The following FAT3 variants were observed in gnomAD, a reference collection of about 807,000 sequenced individuals.
FAT3 encodes protocadherin Fat 3.
A neutral mutation model predicts 310.2 loss-of-function variants in FAT3; 95 were observed. The ratio of observed to expected loss-of-function variants is 0.31; its 90% confidence interval spans 0.26 to 0.36. The LOEUF (loss-of-function observed/expected upper bound fraction) is 0.36. Among genes scored for constraint, FAT3 ranks in the 10% least tolerant of loss-of-function variants. The pLI is 1.00. For synonymous variants in FAT3, 2,314 were observed against 2,192.9 expected (o/e 1.06, Z -1.54); for missense variants, 5,408 against 5,715.6 (o/e 0.95, Z 1.74).
intron 3 of FAT3, among the ~76,000 whole-genome samples, chr11:92,580,789 G>A (rs181842763): frequency 1.1e-3 from 169 of 152,148 alleles, no homozygotes; most frequent in South Asian, 2.7e-3. Flanking sequence ...GCCTTCTCTT[G>A]GGGATATGTG....
At chr11:92,737,368 G>A (rs977925867) in intron 4 of FAT3, among the ~76,000 whole-genome samples, 1 of 152,060 alleles carries the variant, frequency 6.6e-6, no homozygotes, top group Non-Finnish European at 1.5e-5. Context: ...ATAGCAAAGA[G>A]AATTTTCTTC....
intron 6 of FAT3, among the ~76,000 whole-genome samples, chr11:92,768,248 G>A (rs1946369190): frequency 6.6e-6 from 1 of 152,150 alleles, no homozygotes. Flanking sequence ...AGATTTCACT[G>A]TAAATCAGGT....
At chr11:92,368,394 A>G (rs1430171993) in intron 2 of FAT3, among the ~76,000 whole-genome samples, 1 of 152,178 alleles carries the variant, frequency 6.6e-6, no homozygotes, top group East Asian at 1.9e-4. Flanking sequence ...TACTCTTGCT[A>G]TTAATAATAC....
intron 1 of FAT3, among the ~76,000 whole-genome samples, chr11:92,228,347 A>G (rs1383891126): frequency 1.3e-5 from 2 of 152,274 alleles, no homozygotes; most frequent in East Asian, 3.9e-4. Context: ...TCTGTCTGTT[A>G]ACTAGCAATT....
At chr11:92,655,238 A>T (rs1438330922) in intron 3 of FAT3, among the ~76,000 whole-genome samples, 2 of 151,726 alleles carry the variant, frequency 1.3e-5, no homozygotes, top group Admixed American at 1.3e-4. Flanking sequence ...AATGAATGAG[A>T]TGGGTTACTT....
intron 3 of FAT3, among the ~76,000 whole-genome samples, chr11:92,602,369 C>G (rs756275525): frequency 7.9e-5 from 12 of 152,216 alleles, no homozygotes; most frequent in Non-Finnish European, 1.3e-4. Flanking sequence ...TACCAGAGTG[C>G]TGGGATTACA....
Position 92,407,094 on chromosome 11 carries a change from T to C in FAT3, c.3292+51690T>C, listed in dbSNP as rs1307918927. ...TGTTCTAGCTGCCAGATACCAACCT[T>C]GTACTATCTCTGCTTAGGCTTAAAG... On this transcript the variant is annotated intron_variant, in intron 2 of 27. Transcript: ENST00000525166. 2.0e-5 allele frequency among the ~76,000 whole-genome samples: 3 copies of C among 152,194 alleles called. No homozygotes were observed. The East Asian group carries it at 5.8e-4, about 29-fold the overall frequency.
intron 4 of FAT3, among the ~76,000 whole-genome samples, chr11:92,702,670 G>A (rs896071090): frequency 1.3e-5 from 2 of 152,072 alleles, no homozygotes; most frequent in South Asian, 2.1e-4. Context: ...ATAGCACTTC[G>A]ATTATTCTTG....
At chr11:92,443,547 T>C (rs1161492032) in intron 2 of FAT3, among the ~76,000 whole-genome samples, 1 of 152,226 alleles carries the variant, frequency 6.6e-6, no homozygotes, top group Non-Finnish European at 1.5e-5. Flanking sequence ...ATGTGGTCTC[T>C]TACACATGAG....
intron 3 of FAT3, among the ~76,000 whole-genome samples, chr11:92,678,912 A>G (rs1002201676): frequency 6.6e-6 from 1 of 152,222 alleles, no homozygotes; most frequent in African/African-American, 2.4e-5. Context: ...CCCAAATAAC[A>G]TACATTGTAT....
At chr11:92,265,324 GT>G (rs951119164) in intron 1 of FAT3, among the ~76,000 whole-genome samples, 9 of 151,878 alleles carry the variant, frequency 5.9e-5, no homozygotes, top group African/African-American at 2.2e-4. Context: ...CTGCCGTATG[GT>G]TTTTCTTCTC....
chr11:92,568,368 C>T (rs1426687739), intron 3 of FAT3, among the ~76,000 whole-genome samples: 1 of 143,966 alleles, frequency 6.9e-6, no homozygotes, highest in Non-Finnish European at 1.5e-5. Context: ...TTTGTAGTAT[C>T]CCGATGGCAT....
chr11:92,333,190 G>A (rs1353709940), intron 1 of FAT3, among the ~76,000 whole-genome samples: 24 of 152,162 alleles, frequency 1.6e-4, no homozygotes, highest in Admixed American at 1.6e-3. Context: ...GGGGAGGAAT[G>A]AAGAGGTCAA....
intron 3 of FAT3, among the ~76,000 whole-genome samples, chr11:92,671,225 A>G (rs771835284): frequency 6.6e-6 from 1 of 151,864 alleles, no homozygotes; most frequent in Non-Finnish European, 1.5e-5. Flanking sequence ...TCGTATTTTT[A>G]GTAGGAACGG....
At chr11:92,400,954 A>G (rs560931525) in intron 2 of FAT3, among the ~76,000 whole-genome samples, 2 of 152,330 alleles carry the variant, frequency 1.3e-5, no homozygotes, top group South Asian at 4.1e-4. Flanking sequence ...ATAGATTATT[A>G]AACTTGACCT....
chr11:92,473,538 T>A (rs183669484), intron 2 of FAT3, among the ~76,000 whole-genome samples: 2 of 152,340 alleles, frequency 1.3e-5, no homozygotes, highest in African/African-American at 4.8e-5. Context: ...AGTAAGTACA[T>A]CCTTGATTAT....
intron 3 of FAT3, among the ~76,000 whole-genome samples, chr11:92,603,631 C>A (rs1211752947): frequency 1.3e-5 from 2 of 152,146 alleles, no homozygotes; most frequent in African/African-American, 4.8e-5. Flanking sequence ...CCATTTAATT[C>A]TTTATGCTTC....
chr11:92,293,512 T>TTATATATATATATA (rs1195340265), intron 1 of FAT3, among the ~76,000 whole-genome samples: 20 of 67,882 alleles, frequency 2.9e-4, no homozygotes, highest in East Asian at 1.2e-3. Context: ...GAACCTCAGA[T>TTATATATATATATA]TATATATATA....
intron 2 of FAT3, among the ~76,000 whole-genome samples, chr11:92,480,266 A>T (rs1428293766): frequency 6.6e-6 from 1 of 152,138 alleles, no homozygotes; most frequent in Admixed American, 6.5e-5. Context: ...CTCTGTCTCA[A>T]AAAACAAAAC....
Sources: allele counts gnomAD v4.1 joint callset (sites outside exome capture counted in the v4.1 genomes callset), GRCh38; gene constraint gnomAD v4.1.1; transcripts MANE v1.5; gene names NCBI Gene and HGNC (gene_info 2026-07-23, HGNC 2026-07-21).